The following FARSB variants were observed in gnomAD, a reference collection of about 807,000 sequenced individuals.
FARSB encodes phenylalanyl-tRNA synthetase subunit beta.
A neutral mutation model predicts 69.6 loss-of-function variants in FARSB; 40 were observed. The observed-to-expected ratio is 0.57, with a 90% confidence interval of 0.45 to 0.75. The LOEUF (loss-of-function observed/expected upper bound fraction) is 0.75, where lower values mean the gene tolerates loss of function less well. Among genes scored for constraint, FARSB ranks in the 30% least tolerant of loss-of-function variants. The probability of loss-of-function intolerance (pLI) is 0.00; values close to 1 mark genes in which losing one functional copy is unlikely to be tolerated. For synonymous variants in FARSB, 235 were observed against 247.2 expected, an observed-to-expected ratio of 0.95 and a Z score of 0.46; for missense variants, 632 against 722.9, an observed-to-expected ratio of 0.87 and a Z score of 1.44.
intron 3 of FARSB, among the ~76,000 whole-genome samples, chr2:222,641,836 C>T (rs370760137): frequency 1.1e-4 from 16 of 152,220 alleles, no homozygotes; most frequent in African/African-American, 3.1e-4. Context: ...ATCACCATTT[C>T]ACCAATACCC....
chr2:222,601,131 G>A (rs1488168790), intron 15 of FARSB, among the ~76,000 whole-genome samples: 4 of 152,016 alleles, frequency 2.6e-5, no homozygotes, highest in Non-Finnish European at 5.9e-5. Context: ...AAGGGAATGG[G>A]GAATTGATAT....
intron 5 of FARSB, among the ~76,000 whole-genome samples, chr2:222,635,547 G>T (rs1385199138): frequency 6.6e-6 from 1 of 152,168 alleles, no homozygotes; most frequent in South Asian, 2.1e-4. Context: ...AATATGCATG[G>T]TTTGATAAAT....
chr2:222,642,686 T>C (rs1691752413), intron 3 of FARSB, among the ~76,000 whole-genome samples, 165 bp downstream of exon 3: 1 of 152,240 alleles, frequency 6.6e-6, no homozygotes, highest in Non-Finnish European at 1.5e-5. Context: ...TTCAAATGGC[T>C]ACAATCTGCA....
intron 14 of FARSB, among the ~76,000 whole-genome samples, chr2:222,619,261 G>A (rs1691078654): frequency 1.3e-5 from 2 of 148,860 alleles, no homozygotes; most frequent in African/African-American, 2.5e-5. Context: ...AGCCGAGATC[G>A]TGCCACTGCA....
intron 13 of FARSB, among the ~76,000 whole-genome samples, chr2:222,621,684 T>C (rs1691139718): frequency 6.6e-6 from 1 of 152,218 alleles, no homozygotes; most frequent in Non-Finnish European, 1.5e-5. Context: ...ATATTACAAC[T>C]ACTATGCAGA....
At chr2:222,613,703 A>C (rs1690916721) in intron 15 of FARSB, 108 bp downstream of exon 15, 2 of 674,162 alleles carry the variant, frequency 3.0e-6, no homozygotes, top group Non-Finnish European at 2.6e-6. Context: ...TGCTGGGTAC[A>C]TAGGGGCTAA....
intron 11 of FARSB, 81 bp from the exon 12 acceptor site, chr2:222,624,560 G>T: frequency 9.9e-7 from 1 of 1,014,530 alleles, no homozygotes; most frequent in Non-Finnish European, 1.5e-6. Context: ...TATGCTACTA[G>T]CTGAAACAGT....
chr2:222,637,498 G>T (rs1691613781), intron 5 of FARSB, among the ~76,000 whole-genome samples: 1 of 152,096 alleles, frequency 6.6e-6, no homozygotes, highest in Non-Finnish European at 1.5e-5. Flanking sequence ...GGCCAGGAAA[G>T]AATTACTCAA....
intron 5 of FARSB, among the ~76,000 whole-genome samples, chr2:222,635,601 G>A (rs1691558381): frequency 1.3e-5 from 2 of 152,178 alleles, no homozygotes; most frequent in Admixed American, 6.5e-5. Flanking sequence ...AAGAAAGTCT[G>A]TCTTCTTAGA....
intron 5 of FARSB, among the ~76,000 whole-genome samples, chr2:222,637,610 G>A (rs1271197760): frequency 6.6e-6 from 1 of 152,110 alleles, no homozygotes; most frequent in Non-Finnish European, 1.5e-5. Flanking sequence ...CAGCAGTAGG[G>A]ACTAATTAGC....
At chr2:222,583,455 T>C (rs1690024109) in intron 16 of FARSB, among the ~76,000 whole-genome samples, 1 of 152,232 alleles carries the variant, frequency 6.6e-6, no homozygotes, top group South Asian at 2.1e-4. Context: ...GCATTACTTC[T>C]CTACCATTCC....
In FARSB at chr2:222,568,202, A is replaced by G. The variant is rs1689662880; in HGVS notation, c.*3669T>C. ...TCAGGGAATCAGGAGGAAGAAAGGT[A>G]GATTAACTCAGTAAGGCCACAGTTT... On this transcript the variant is annotated 3_prime_UTR_variant, in exon 17 of 17. Transcript: ENST00000281828. The surrounding 1 kb of genome is among the most constrained non-coding windows in gnomAD (Gnocchi z 4.3). 6.6e-6 allele frequency: 1 copy of G among 152,228 alleles called. No individual in the cohort carries two copies. The highest frequency in any genetic ancestry group is 1.5e-5 in the Non-Finnish European group (1 of 68,036). The allele number at this position is 152,228 out of a possible 1,614,324, so 9.4% of individuals were successfully genotyped here.
rs1266445109 is a variant in FARSB, at chr2:222,623,736, A to G, written c.1171-6T>C. 3.1e-6 allele frequency: 5 copies of G among 1,587,734 alleles called. No homozygotes were observed. The highest frequency in any genetic ancestry group is 1.3e-5 in the African/African-American group (1 of 74,188). ...GTGAGCTTATTAAGAGGAAACTGAA[A>G]AAAAAAGCATCCACTTGATTTCACC... On this transcript the variant is annotated splice_region_variant and splice_polypyrimidine_tract_variant and intron_variant, in intron 12 of 16. Coordinates refer to ENST00000281828, the MANE Select transcript of FARSB (RefSeq NM_005687.5).
chr2:222,567,315 G>C lies in FARSB; in HGVS notation c.*4556C>G, dbSNP rs1392242791. 6.6e-6 allele frequency: 1 copy of C among 152,216 alleles called. No individual in the cohort carries two copies. The highest frequency in any genetic ancestry group is 2.4e-5 in the African/African-American group (1 of 41,454). 9.4% of individuals were successfully genotyped at this position (152,216 alleles called of 1,614,324 possible). On this transcript the variant is annotated 3_prime_UTR_variant, in exon 17 of 17. Transcript: ENST00000281828. ...GAACTTGGATATCAGATGGGTCAAA[G>C]GCTTTCAATGCTTAGGAGGCATATT... is the stretch of plus-strand genomic sequence containing the variant.
In FARSB at chr2:222,591,277, G is replaced by A. The variant is rs549419486; in HGVS notation, c.1618+8651C>T. ...GAGCTGAACCATCAATGTTCTGGCA[G>A]ACATTCCTTTTTAAGTCGGTGTTAA... On this transcript the variant is annotated intron_variant, in intron 16 of 16. Coordinates refer to ENST00000281828, the MANE Select transcript of FARSB (RefSeq NM_005687.5). Among the ~76,000 whole-genome samples the A allele has an allele frequency of 5.9e-5, 9 of 151,698 alleles. No homozygotes were observed. In the South Asian group the frequency reaches 1.9e-3, roughly 32 times the overall value.
chr2:222,615,086 C>T (rs1690962849), intron 14 of FARSB, among the ~76,000 whole-genome samples: 1 of 151,782 alleles, frequency 6.6e-6, no homozygotes. Flanking sequence ...AAATGCATAC[C>T]CTGGTACATT....
At chr2:222,609,360 A>G (rs1257707429) in intron 15 of FARSB, among the ~76,000 whole-genome samples, 1 of 152,220 alleles carries the variant, frequency 6.6e-6, no homozygotes, top group Non-Finnish European at 1.5e-5. Context: ...TTAACAGAAA[A>G]AATTAAAATG....
At chr2:222,639,290 A>C (rs1426671527) in intron 5 of FARSB, among the ~76,000 whole-genome samples, 1 of 152,268 alleles carries the variant, frequency 6.6e-6, no homozygotes. Flanking sequence ...CTAGGACTAG[A>C]TAATTCTTCT....
intron 1 of FARSB, among the ~76,000 whole-genome samples, chr2:222,651,184 A>C (rs1403095805): frequency 1.3e-5 from 2 of 152,218 alleles, no homozygotes; most frequent in Non-Finnish European, 2.9e-5. Context: ...ATCCTGGTTA[A>C]GAAGAGGCGG....
Sources: allele counts gnomAD v4.1 joint callset (sites outside exome capture counted in the v4.1 genomes callset), GRCh38; gene constraint gnomAD v4.1.1; non-coding constraint Gnocchi (gnomAD v3.1); transcripts MANE v1.5; gene names NCBI Gene and HGNC (gene_info 2026-07-23, HGNC 2026-07-21).